Variants in ZNF687 observed in about 807,000 individuals in gnomAD.
ZNF687 encodes zinc finger protein 687.
A neutral mutation model predicts 71.8 loss-of-function variants in ZNF687; 13 were observed. The ratio of observed to expected loss-of-function variants is 0.18; its 90% CI spans 0.12 to 0.29. The LOEUF is 0.29. ZNF687 is among the 10% of genes least tolerant of loss of function. ZNF687 has a pLI of 1.00. For synonymous variants in ZNF687, 673 were observed against 641.6 expected (o/e 1.05, Z -0.74); for missense variants, 1,412 against 1,625.6 (o/e 0.87, Z 2.26).
Position 151,291,800 on chromosome 1 carries a change from A to T in ZNF687, c.*591A>T, listed in dbSNP as rs921636809. The T allele has an allele frequency of 2.6e-5, 4 of 152,578 alleles. No homozygotes were observed. The highest frequency in any genetic ancestry group is 9.7e-5 in the African/African-American group (4 of 41,420). 9.5% of individuals were successfully genotyped at this position (152,578 alleles called of 1,614,324 possible). On this transcript the variant is annotated 3_prime_UTR_variant, in exon 9 of 9. Transcript: ENST00000336715. ...AGGGGGCCACAGGAGAGGAGGGGAC[A>T]GGCTCTCAGGAATCCTTTATTCTTG...
Position 151,291,122 on chromosome 1 carries a change from C to G in ZNF687, c.3627C>G (p.Cys1209Trp). The change falls in exon 9 of 9, where the codon TGC (cysteine) becomes TGG (tryptophan). Residue 1209 changes from cysteine to tryptophan, a missense_variant. By Grantham distance (215) the Cys-to-Trp change is radical (BLOSUM62 -2). Coordinates refer to ENST00000336715, the MANE Select transcript of ZNF687 (RefSeq NM_020832.3). ...PLTCKVCGKS[C>W]DSPLNLKTHF... ...CCTGTAAGGTCTGTGGCAAGAGCTG[C>G]GACAGCCCTCTAAACCTCAAGACCC... The G allele has an allele frequency of 1.2e-6, 2 of 1,613,342 alleles. No individual in the cohort carries two copies. Among genetic ancestry groups the G allele is most frequent in the Non-Finnish European group, 1.7e-6 (2 of 1,180,004 alleles).
intron 1 of ZNF687, chr1:151,283,024 G>A (rs1192817132): frequency 1.4e-6 from 1 of 719,720 alleles, no homozygotes; most frequent in African/African-American, 1.9e-5. Context: ...CCTATCCTGT[G>A]TAGTCCTGGG....
Position 151,291,025 on chromosome 1 carries a change from A to G in ZNF687, c.3530A>G (p.Glu1177Gly), listed in dbSNP as rs1272976438. ...ASALGLGDGE[E>G]EAPPSRSDPD... Reference sequence around the variant, plus strand: ...GCCCTGGGGCTGGGGGATGGGGAGGAAGAGGCCCCTCCATCAAGGTCTGAC... The same window carrying G: ...GCCCTGGGGCTGGGGGATGGGGAGGGAGAGGCCCCTCCATCAAGGTCTGAC... The change falls in exon 9 of 9, where the codon GAA (glutamate) becomes GGA (glycine). Residue 1177 changes from glutamate (E) to glycine (G), a missense_variant. Glu to Gly is a moderately conservative substitution (Grantham distance 98). This residue lies in a region of ZNF687 where 284 missense variants were observed against 359.2 expected (regional missense o/e 0.79). Coordinates refer to ENST00000336715, the MANE Select transcript of ZNF687 (RefSeq NM_020832.3). 2 of 1,613,704 alleles carry G rather than the reference A, an allele frequency of 1.2e-6. No homozygotes were observed. The highest frequency in any genetic ancestry group is 4.5e-5 in the East Asian group (2 of 44,872).
At chr1:151,282,041 G>A (rs1223020074), upstream of ZNF687, 24 of 1,278,896 alleles carry the variant, frequency 1.9e-5, 1 homozygote, top group African/African-American at 1.8e-4. Context: ...GAGACTCGTA[G>A]ATGGGGCAGA....
At chr1:151,283,900 A>G (rs1693839365) in intron 1 of ZNF687, 1 of 985,228 alleles carries the variant, frequency 1.0e-6, no homozygotes, top group Non-Finnish European at 1.2e-6. Context: ...CTGGCTGGGA[A>G]ATGGCCTGCA....
rs759144407 is a variant in ZNF687, at chr1:151,289,252, T to G, written c.2452T>G (p.Phe818Val). 1 of 1,614,006 alleles carries G rather than the reference T, an allele frequency of 6.2e-7. No homozygotes were observed. Among genetic ancestry groups the G allele is most frequent in the Admixed American group, 1.7e-5 (1 of 60,022 alleles). Residue 818 changes from phenylalanine to valine, a missense_variant, in exon 4 of 9, where the codon TTC becomes GTC. Physicochemically the swap from Phe to Val is conservative, Grantham distance 50. Transcript: ENST00000336715. ...CCACCTCTACTCCCAGCATCCCAGC[T>G]TCCAAACTCAGCAGGCCAAGTGAGG... ...HAHLYSQHPSFQTQQAKLIYK... is the reference protein window; with the variant it reads ...HAHLYSQHPSVQTQQAKLIYK...
rs763433262 is a variant in ZNF687, at chr1:151,291,105, G to C, written c.3610G>C (p.Val1204Leu). ...TTCTGGAGGCCCACTGACCTGTAAG[G>C]TCTGTGGCAAGAGCTGCGACAGCCC... is the stretch of plus-strand genomic sequence containing the variant. ...PASGGPLTCK[V>L]CGKSCDSPLN... Residue 1204 changes from valine to leucine, a missense_variant, in exon 9 of 9, where the codon GTC (valine) becomes CTC (leucine). Val to Leu is a conservative substitution (Grantham distance 32). Transcript: ENST00000336715. The C allele has an allele frequency of 6.2e-7, 1 of 1,613,524 alleles. No homozygotes were observed. The highest frequency in any genetic ancestry group is 1.1e-5 in the South Asian group (1 of 91,078).
At chr1:151,281,905 C>A, upstream of ZNF687, 1 of 752,576 alleles carries the variant, frequency 1.3e-6, no homozygotes, top group Non-Finnish European at 1.9e-6. Flanking sequence ...ACTGCAGCTT[C>A]AAGCTTCGAG....
chr1:151,290,251 G>A lies in ZNF687; in HGVS notation c.3077+17G>A, dbSNP rs587656300. The stretch of plus-strand genomic sequence containing the variant: ...CCCCTGCAGGTAAGTCTTGCTCCCC[G>A]CTTCCTCTTCCTGCCCAGCACGTGA... On this transcript the variant is annotated intron_variant, in intron 7 of 8. Transcript: ENST00000336715. 6.8e-6 allele frequency: 11 copies of A among 1,613,130 alleles called. No homozygotes were observed. The highest frequency in any genetic ancestry group is 1.1e-5 in the South Asian group (1 of 91,072).
At chr1:151,283,308 C>A (rs1443237769) in intron 1 of ZNF687, 1 of 985,350 alleles carries the variant, frequency 1.0e-6, no homozygotes, top group Non-Finnish European at 1.2e-6. Flanking sequence ...AGGCCTTGGG[C>A]CCGGGCAAAG....
chr1:151,288,693 C>T lies in ZNF687; in HGVS notation c.2281C>T (p.Arg761Cys). 3.1e-6 allele frequency: 5 copies of T among 1,612,914 alleles called. No homozygotes were observed. The highest frequency in any genetic ancestry group is 4.2e-6 in the Non-Finnish European group (5 of 1,179,312). The change falls in exon 3 of 9, where the codon CGT (arginine) becomes TGT (cysteine). Residue 761 changes from arginine (R) to cysteine (C), a missense_variant. Physicochemically the swap from Arg to Cys is radical, Grantham distance 180 (BLOSUM62 -3). This residue lies in a region of ZNF687 where 207 missense variants were observed against 239.2 expected (regional missense o/e 0.87). Coordinates refer to ENST00000336715, the MANE Select transcript of ZNF687 (RefSeq NM_020832.3). ...GGAGGCCTGTCTGCACGTCTCTCGCCGTGTAGGATACAGGTGCCTCGGACC... is the reference window on the plus strand; with the variant it reads ...GGAGGCCTGTCTGCACGTCTCTCGCTGTGTAGGATACAGGTGCCTCGGACC... ...LREACLHVSR[R>C]VGYRCPSCSV...
chr1:151,284,332 C>T (rs1693855304), intron 1 of ZNF687: 1 of 929,968 alleles, frequency 1.1e-6, no homozygotes. Flanking sequence ...GAAGGGCTGG[C>T]TAGGGGAGGG....
Position 151,287,589 on chromosome 1 carries a change from G to T in ZNF687, c.1298G>T (p.Ser433Ile). The stretch of plus-strand genomic sequence containing the variant: ...GTGCTGCCTGGGGGGACTGCCACCA[G>T]CCCTAAGATGATTGCTAAGAACGTG... ...AVVLPGGTAT[S>I]PKMIAKNVLG... Residue 433 changes from serine to isoleucine, a missense_variant, in exon 2 of 9, where the codon AGC (serine) becomes ATC (isoleucine). Ser to Ile is a moderately radical substitution (Grantham distance 142). Coordinates refer to ENST00000336715, the MANE Select transcript of ZNF687 (RefSeq NM_020832.3). This position sits in a 1 kb window ranked among gnomAD's most constrained non-coding sequence, Gnocchi z 5.0. 6.2e-7 allele frequency: 1 copy of T among 1,613,906 alleles called. No individual in the cohort carries two copies. The highest frequency in any genetic ancestry group is 2.2e-5 in the East Asian group (1 of 44,874).
In ZNF687 at chr1:151,291,116, G is replaced by A; in HGVS notation, c.3621G>A (p.Lys1207=). 1 of 1,613,442 alleles carries A rather than the reference G, an allele frequency of 6.2e-7. No homozygotes were observed. Among genetic ancestry groups the A allele is most frequent in the Non-Finnish European group, 8.5e-7 (1 of 1,180,002 alleles). The part of the protein sequence containing the change: ...GGPLTCKVCG[K]SCDSPLNLKT... ...CACTGACCTGTAAGGTCTGTGGCAA[G>A]AGCTGCGACAGCCCTCTAAACCTCA... Residue 1207 remains lysine (K), a synonymous_variant, in exon 9 of 9, where the codon AAG becomes AAA. Coordinates refer to ENST00000336715, the MANE Select transcript of ZNF687 (RefSeq NM_020832.3).
intron 1 of ZNF687, chr1:151,283,185 C>T (rs1038973782): frequency 6.1e-6 from 6 of 985,346 alleles, no homozygotes; most frequent in African/African-American, 1.7e-5. Flanking sequence ...CCTCGAAACC[C>T]AGGACTTGCT....
intron 1 of ZNF687, chr1:151,284,143 T>C (rs1275512381): frequency 1.0e-6 from 1 of 984,904 alleles, no homozygotes; most frequent in Non-Finnish European, 1.2e-6. Flanking sequence ...CACAGGAAAA[T>C]GGAAAGGGTG....
chr1:151,286,922 C>A lies in ZNF687; in HGVS notation c.631C>A (p.Pro211Thr), dbSNP rs747076429. 3.1e-6 allele frequency: 5 copies of A among 1,612,634 alleles called. No individual in the cohort carries two copies. Among genetic ancestry groups the A allele is most frequent in the Non-Finnish European group, 4.2e-6 (5 of 1,179,208 alleles). ...CCAGGAGAATGGCCCAGGCATGCAGCCACCTGTTTCTTCCCCACCATTGGG... is the reference window on the plus strand; with the variant it reads ...CCAGGAGAATGGCCCAGGCATGCAGACACCTGTTTCTTCCCCACCATTGGG... The part of the protein sequence containing the change: ...LAQENGPGMQ[P>T]PVSSPPLGAL... Residue 211 changes from proline (P) to threonine (T), a missense_variant, in exon 2 of 9, where the codon CCA (proline) becomes ACA (threonine). Coordinates refer to ENST00000336715, the MANE Select transcript of ZNF687 (RefSeq NM_020832.3).
rs199686732 is a variant in ZNF687, at chr1:151,289,944, G to C, written c.2901G>C (p.Leu967=). 4.2e-4 allele frequency: 660 copies of C among 1,566,424 alleles called. 2 individuals carry two copies. Among genetic ancestry groups the C allele is most frequent in the South Asian group, 1.8e-3 (160 of 87,208 alleles). The change falls in exon 6 of 9, where the codon CTG becomes CTC. Residue 967 remains leucine (L), a synonymous_variant. Transcript: ENST00000336715. ...GGGPGGWTCG[L]CHSWFPERDE... is the part of the protein sequence containing the mutation. ...GGCCTGGAGGCTGGACCTGTGGCCT[G>C]TGTCACTCCTGGTTCCCTGAGCGTG... is the stretch of plus-strand genomic sequence containing the variant.
In ZNF687 at chr1:151,291,438, G is replaced by A; in HGVS notation, c.*229G>A. ...TGGACCCTCCATTCCTCCTTTCTGAGCCCAACACTAATTAATTTTATGCTC... is the reference window on the plus strand; with the variant it reads ...TGGACCCTCCATTCCTCCTTTCTGAACCCAACACTAATTAATTTTATGCTC... On this transcript the variant is annotated 3_prime_UTR_variant, in exon 9 of 9. Coordinates refer to ENST00000336715, the MANE Select transcript of ZNF687 (RefSeq NM_020832.3). 1 of 522,350 alleles carries A rather than the reference G, an allele frequency of 1.9e-6. No individual in the cohort carries two copies. The highest frequency in any genetic ancestry group is 2.6e-5 in the South Asian group (1 of 38,310). 32.4% of individuals were successfully genotyped at this position (522,350 alleles called of 1,614,324 possible). A position where few individuals can be genotyped will look rare whatever the true frequency, so the allele number is the denominator to read the frequency against.
Sources: gnomAD v4.1 joint callset for allele counts on GRCh38, gnomAD v4.1.1 for gene constraint, gnomAD v4.1.1 regional missense constraint, Gnocchi (gnomAD v3.1) non-coding constraint, MANE v1.5 for transcripts, NCBI Gene and HGNC (gene_info 2026-07-23, HGNC 2026-07-21) for gene names.